Variants in IFT88 observed in about 807,000 individuals in gnomAD.
The protein encoded by IFT88 is intraflagellar transport 88.
A neutral mutation model predicts 119.5 loss-of-function variants in IFT88; 74 were observed. That is an observed-to-expected ratio of 0.62 (90% confidence interval 0.51 to 0.75). The LOEUF (loss-of-function observed/expected upper bound fraction) is 0.75. IFT88 is among the 30% of genes least tolerant of loss of function. The probability of loss-of-function intolerance (pLI) is 0.00; values close to 1 mark genes in which losing one functional copy is unlikely to be tolerated. For synonymous variants in IFT88, 279 were observed against 316.7 expected (o/e 0.88, Z 1.26); for missense variants, 961 against 977.7 (o/e 0.98, Z 0.23).
intron 20 of IFT88, among the ~76,000 whole-genome samples, chr13:20,652,038 T>TAGATCAGAA (rs937126520): frequency 2.6e-4 from 39 of 152,110 alleles, no homozygotes; most frequent in African/African-American, 9.2e-4. Context: ...AGATAGAAAG[T>TAGATCAGAA]AGATCAGAAG....
At chr13:20,628,545 A>C (rs999013996) in intron 15 of IFT88, among the ~76,000 whole-genome samples, 4 of 152,224 alleles carry the variant, frequency 2.6e-5, no homozygotes, top group Non-Finnish European at 5.9e-5. Context: ...ATAAACTTAC[A>C]ATATTTTACT....
At chr13:20,568,242 A>ATTAT (rs1000293389) in intron 1 of IFT88, among the ~76,000 whole-genome samples, 3 of 152,038 alleles carry the variant, frequency 2.0e-5, no homozygotes, top group African/African-American at 7.2e-5. Flanking sequence ...TCATCCCCAG[A>ATTAT]TTATTTCAAC....
rs74036405 is a variant in IFT88, at chr13:20,601,607, A to T, written c.813-98A>T. ...AGCTTTAACAAAACAAAAACGAAGTAAAGTGGGAGACGAAAAAAGAAAACT... is the reference window on the plus strand; with the variant it reads ...AGCTTTAACAAAACAAAAACGAAGTTAAGTGGGAGACGAAAAAAGAAAACT... On this transcript the variant is annotated intron_variant, in intron 11 of 25. Transcript: ENST00000351808. 2.4e-3 allele frequency: 1,663 copies of T among 694,448 alleles called. 19 individuals are homozygous for T. The African/African-American group carries it at 0.026, about 11-fold the overall frequency. 43.0% of individuals were successfully genotyped at this position (694,448 alleles called of 1,614,324 possible).
At chr13:20,651,381 C>A (rs1353141277) in intron 20 of IFT88, among the ~76,000 whole-genome samples, 1 of 148,350 alleles carries the variant, frequency 6.7e-6, no homozygotes, top group Non-Finnish European at 1.5e-5. Context: ...TAAGTATATA[C>A]CCAAAGGAAT....
chr13:20,655,981 G>A (rs192723654), intron 21 of IFT88, among the ~76,000 whole-genome samples: 10 of 151,798 alleles, frequency 6.6e-5, no homozygotes, highest in Admixed American at 2.0e-4. Context: ...AGCAATGTGC[G>A]TCTATAGTCC....
At chr13:20,617,643 C>A (rs936540636) in intron 14 of IFT88, among the ~76,000 whole-genome samples, 1 of 152,174 alleles carries the variant, frequency 6.6e-6, no homozygotes, top group Non-Finnish European at 1.5e-5. Flanking sequence ...CGTAAAAACT[C>A]TTTTGCTCAA....
chr13:20,669,144 A>T (rs949167794), intron 23 of IFT88, among the ~76,000 whole-genome samples: 4 of 152,222 alleles, frequency 2.6e-5, no homozygotes, highest in Non-Finnish European at 5.9e-5. Context: ...ATGTGGCGTC[A>T]TGGCACGTGG....
At chr13:20,579,391 T>A (rs536264534) in intron 2 of IFT88, among the ~76,000 whole-genome samples, 2 of 152,278 alleles carry the variant, frequency 1.3e-5, no homozygotes, top group Admixed American at 6.5e-5. Flanking sequence ...CTTTCCACCC[T>A]TTTCCCCAGG....
intron 1 of IFT88, among the ~76,000 whole-genome samples, chr13:20,569,345 G>A (rs925089218): frequency 2.0e-5 from 3 of 151,772 alleles, no homozygotes; most frequent in East Asian, 2.0e-4. Flanking sequence ...AGGCCGAGCC[G>A]GGCGGATCAC....
chr13:20,623,986 C>T (rs909712200), intron 14 of IFT88, among the ~76,000 whole-genome samples: 2 of 152,064 alleles, frequency 1.3e-5, no homozygotes, highest in African/African-American at 2.4e-5. Flanking sequence ...GATTTTGTAT[C>T]CTGCTACATT....
chr13:20,597,754 A>ATATAT (rs1555262657), intron 9 of IFT88, among the ~76,000 whole-genome samples: 2 of 142,594 alleles, frequency 1.4e-5, no homozygotes, highest in African/African-American at 5.2e-5. Context: ...TCAAAAAAAA[A>ATATAT]ATATATATAT....
At chr13:20,667,404 G>A (rs2054889866) in intron 23 of IFT88, among the ~76,000 whole-genome samples, 1 of 152,186 alleles carries the variant, frequency 6.6e-6, no homozygotes, top group African/African-American at 2.4e-5. Context: ...GAGTCTGTGT[G>A]AGACAGGACC....
At chr13:20,675,812 C>CCTAACCATTTTAA (rs1234053830) in intron 24 of IFT88, among the ~76,000 whole-genome samples, 2 of 152,222 alleles carry the variant, frequency 1.3e-5, no homozygotes, top group Non-Finnish European at 2.9e-5. Context: ...TGCTTTTCTT[C>CCTAACCATTTTAA]CTAACCATTT....
intron 20 of IFT88, among the ~76,000 whole-genome samples, chr13:20,646,677 C>G (rs1412074661): frequency 6.6e-6 from 1 of 151,938 alleles, no homozygotes; most frequent in Non-Finnish European, 1.5e-5. Context: ...TCTTACCTTT[C>G]CAACTTCCAT....
In IFT88 at chr13:20,596,256, A is replaced by C; in HGVS notation, c.489+16A>C. The C allele has an allele frequency of 8.1e-7, 1 of 1,227,434 alleles. No homozygotes were observed. Among genetic ancestry groups the C allele is most frequent in the Non-Finnish European group, 1.2e-6 (1 of 859,334 alleles). The allele number at this position is 1,227,434 out of a possible 1,614,324, so 76.0% of individuals were successfully genotyped here. ...CTTAAAATTGGTAAGTTCATAAACA[A>C]GATTCAAAATTATGAAGCATTTATA... On this transcript the variant is annotated intron_variant, in intron 8 of 25. Coordinates refer to ENST00000351808, the MANE Select transcript of IFT88 (RefSeq NM_006531.5).
At chr13:20,640,936 A>G (rs895003292) in intron 17 of IFT88, among the ~76,000 whole-genome samples, 4 of 152,192 alleles carry the variant, frequency 2.6e-5, no homozygotes, top group African/African-American at 9.7e-5. Context: ...GCTTGAGGCC[A>G]GGAGTTCCAG....
intron 7 of IFT88, among the ~76,000 whole-genome samples, chr13:20,592,999 G>T (rs569124443): frequency 1.3e-5 from 2 of 152,230 alleles, no homozygotes; most frequent in African/African-American, 4.8e-5. Context: ...ATCAGGGCCA[G>T]TATTGAGTCT....
intron 13 of IFT88, chr13:20,607,470 G>T: frequency 1.5e-6 from 1 of 674,706 alleles, no homozygotes; most frequent in South Asian, 1.5e-5. Flanking sequence ...ATCATCAGCG[G>T]CGTCCTGATG....
intron 23 of IFT88, among the ~76,000 whole-genome samples, chr13:20,669,930 G>C (rs1041107216): frequency 6.6e-6 from 1 of 152,092 alleles, no homozygotes; most frequent in African/African-American, 2.4e-5. Flanking sequence ...AAAAAAAATT[G>C]GATATGTTTA....
Sources: allele counts gnomAD v4.1 joint callset (sites outside exome capture counted in the v4.1 genomes callset), GRCh38; gene constraint gnomAD v4.1.1; transcripts MANE v1.5; gene names NCBI Gene and HGNC (gene_info 2026-07-23, HGNC 2026-07-21).